CSMD1: variants seen among roughly 807,000 people sequenced by gnomAD.
CSMD1 encodes the protein CUB and sushi domain-containing protein 1.
Under a neutral mutation model 417.5 loss-of-function variants are expected in CSMD1, and 213 were observed. The ratio of observed to expected loss-of-function variants is 0.51; its 90% CI spans 0.46 to 0.57. CSMD1 has a LOEUF of 0.57. CSMD1 is among the 20% of genes least tolerant of loss of function. The pLI is 0.00. For synonymous variants in CSMD1, 2,862 were observed against 1,736.8 expected, an observed-to-expected ratio of 1.65 and a Z score of -16.11; for missense variants, 6,923 against 4,529.7, an observed-to-expected ratio of 1.53 and a Z score of -15.17.
At chr8:3,599,161 G>T (rs991643007) in intron 8 of CSMD1, among the ~76,000 whole-genome samples, 1 of 123,706 alleles carries the variant, frequency 8.1e-6, no homozygotes, top group South Asian at 2.4e-4. Context: ...CTGTGTGTGT[G>T]TCTGTGTGTG....
intron 2 of CSMD1, among the ~76,000 whole-genome samples, chr8:4,551,145 A>T (rs80021967): frequency 1.3e-5 from 2 of 152,184 alleles, no homozygotes; most frequent in African/African-American, 4.8e-5. Flanking sequence ...GGCAACATCT[A>T]TGTGGAGATC....
chr8:3,158,137 G>C (rs930964472), intron 38 of CSMD1, among the ~76,000 whole-genome samples, 171 bp from the exon 39 acceptor site: 5 of 152,026 alleles, frequency 3.3e-5, no homozygotes, highest in Admixed American at 2.6e-4. Flanking sequence ...GTCACATTTT[G>C]AACCAACATA....
chr8:3,558,324 TG>T (rs1563152096), intron 10 of CSMD1, among the ~76,000 whole-genome samples: 2 of 114,404 alleles, frequency 1.7e-5, no homozygotes, highest in African/African-American at 2.8e-5. Context: ...CAATGATGAA[TG>T]ATGCCTCAGT....
chr8:4,341,750 T>C (rs1394762073), intron 3 of CSMD1, among the ~76,000 whole-genome samples: 1 of 152,088 alleles, frequency 6.6e-6, no homozygotes, highest in African/African-American at 2.4e-5. Context: ...GCAGTTAGGG[T>C]GCATTAATAA....
At chr8:3,594,092 C>T (rs558251933) in intron 8 of CSMD1, among the ~76,000 whole-genome samples, 1 of 152,294 alleles carries the variant, frequency 6.6e-6, no homozygotes, top group East Asian at 1.9e-4. Flanking sequence ...ATCTAATATT[C>T]TTCAGCATCT....
rs182264747 is a variant in CSMD1, at chr8:3,863,815, A to G, written c.819-109773T>C. ...AAAATTCTACAATCTTCTATTATTC[A>G]TGACGAAAAAAAAAATCAGAAAAAA... On this transcript the variant is annotated intron_variant, in intron 5 of 69. Transcript: ENST00000635120. Among the ~76,000 whole-genome samples the G allele has an allele frequency of 2.6e-5, 4 of 151,866 alleles. No individual in the cohort carries two copies. The East Asian group carries it at 7.7e-4, about 29-fold the overall frequency.
At position 3,205,348 on chromosome 8, in the gene CSMD1, C is replaced by T. The variant is rs574424449; in HGVS notation, c.4984+156G>A. Among the ~76,000 whole-genome samples, 61 of 152,136 alleles carry T rather than the reference C, an allele frequency of 4.0e-4. No individual in the cohort carries two copies. In the South Asian group the frequency reaches 8.3e-3, roughly 21 times the overall value. On this transcript the variant is annotated intron_variant, in intron 31 of 69. Coordinates refer to ENST00000635120, the MANE Select transcript of CSMD1 (RefSeq NM_033225.6). ...TAAAAGGACTGTAATGGACATTGTG[C>T]AGGATATGTTTGGAAGGCCTGCTAC...
At chr8:3,937,060 G>C (rs1006541516) in intron 5 of CSMD1, among the ~76,000 whole-genome samples, 2 of 152,188 alleles carry the variant, frequency 1.3e-5, no homozygotes, top group South Asian at 4.1e-4. Flanking sequence ...AACAGCAAGA[G>C]AAACAGAATT....
At chr8:3,651,560 G>A (rs1797858585) in intron 7 of CSMD1, among the ~76,000 whole-genome samples, 1 of 152,060 alleles carries the variant, frequency 6.6e-6, no homozygotes. Flanking sequence ...ATGAGGTCTT[G>A]GCTGGCCACC....
intron 50 of CSMD1, among the ~76,000 whole-genome samples, chr8:3,029,775 T>G (rs1810218209): frequency 2.0e-5 from 3 of 151,966 alleles, no homozygotes; most frequent in African/African-American, 7.2e-5. Flanking sequence ...GTAAATCACT[T>G]CCACAAAAGT....
At chr8:3,650,987 A>G (rs748222752) in intron 7 of CSMD1, among the ~76,000 whole-genome samples, 12 of 152,198 alleles carry the variant, frequency 7.9e-5, no homozygotes, top group Non-Finnish European at 1.5e-4. Flanking sequence ...TTTATCTTTT[A>G]GTTCCTTAGA....
chr8:3,195,366 G>A (rs571597460), intron 33 of CSMD1, among the ~76,000 whole-genome samples: 2 of 152,224 alleles, frequency 1.3e-5, no homozygotes, highest in African/African-American at 4.8e-5. Context: ...CTGTTTTCAG[G>A]CGGATTGATT....
chr8:4,446,509 T>C (rs1798797265), intron 2 of CSMD1, among the ~76,000 whole-genome samples: 2 of 152,192 alleles, frequency 1.3e-5, no homozygotes, highest in African/African-American at 4.8e-5. Flanking sequence ...ATCAGGCCAC[T>C]GCACTCCAGC....
At chr8:4,336,333 G>C (rs1010015057) in intron 3 of CSMD1, among the ~76,000 whole-genome samples, 4 of 152,112 alleles carry the variant, frequency 2.6e-5, no homozygotes, top group East Asian at 3.9e-4. Context: ...CACATTTTTA[G>C]TTAGGAAGCA....
chr8:3,342,017 A>C (rs1807689363), intron 23 of CSMD1, among the ~76,000 whole-genome samples: 1 of 152,194 alleles, frequency 6.6e-6, no homozygotes. Context: ...TGGAAGGTAA[A>C]ATTCTAGTAA....
chr8:4,898,566 T>G (rs1289495627), intron 1 of CSMD1, among the ~76,000 whole-genome samples: 2 of 152,210 alleles, frequency 1.3e-5, no homozygotes, highest in Non-Finnish European at 2.9e-5. Flanking sequence ...AGGGTGAGCA[T>G]GGCTCACAAA....
chr8:3,925,190 T>G (rs1584974958), intron 5 of CSMD1, among the ~76,000 whole-genome samples: 1 of 152,176 alleles, frequency 6.6e-6, no homozygotes. Context: ...AAAAGAAATG[T>G]GTGTGTTTTC....
At chr8:3,590,546 T>A (rs765293136) in intron 8 of CSMD1, among the ~76,000 whole-genome samples, 2 of 152,186 alleles carry the variant, frequency 1.3e-5, no homozygotes, top group African/African-American at 2.4e-5. Flanking sequence ...TCTGCGCACA[T>A]TCATATTCAG....
chr8:3,386,815 G>A (rs187757189), intron 18 of CSMD1, among the ~76,000 whole-genome samples: 5 of 152,212 alleles, frequency 3.3e-5, no homozygotes, highest in Non-Finnish European at 1.5e-5. Flanking sequence ...TATATTCATG[G>A]TCAAGGGCAA....
Sources: allele counts gnomAD v4.1 joint callset (sites outside exome capture counted in the v4.1 genomes callset), GRCh38; gene constraint gnomAD v4.1.1; transcripts MANE v1.5; gene names NCBI Gene and HGNC (gene_info 2026-07-23, HGNC 2026-07-21).